The following UMAD1 variants were observed in gnomAD, a reference collection of about 807,000 sequenced individuals.
The protein encoded by UMAD1 is UBAP1-MVB12-associated (UMA) domain containing 1, also known as UBAP1-MVB12-associated (UMA)-domain containing protein 1.
UMAD1 carries 8 observed loss-of-function variants against 6.1 expected under a neutral mutation model. The ratio of observed to expected loss-of-function variants is 1.30; its 90% CI spans 0.76 to 2.35. The LOEUF is 2.35. Ranked by LOEUF, UMAD1 falls within the 30% of genes most tolerant of loss-of-function variation. The pLI, the probability that UMAD1 is intolerant of heterozygous loss-of-function variation, is 0.00. For missense variants in UMAD1, 130 were observed against 78.4 expected (o/e 1.66, Z -2.49); for synonymous variants, 56 against 31.4 (o/e 1.78, Z -2.61).
At chr7:7,860,690 GCGC>G (rs1784099308) in intron 3 of UMAD1, among the ~76,000 whole-genome samples, 1 of 150,842 alleles carries the variant, frequency 6.6e-6, no homozygotes, top group Non-Finnish European at 1.5e-5. Flanking sequence ...CAGGAGAATG[GCGC>G]GAACCCAGGA....
rs1784438432 is a variant in UMAD1, at chr7:7,877,340, A to T, written c.216A>T (p.Ala72=). ...CAGACCCTGAGATGGAAAATAAGGC[A>T]GGCCAGACTCTGGAGAACAGCTCAT... ...TVSDPEMENK[A]GQTLENSSLM... is the part of the protein sequence containing the mutation. Residue 72 remains alanine, a synonymous_variant, in exon 4 of 4, where the codon GCA becomes GCT. Transcript: ENST00000682710. 1.4e-6 allele frequency: 1 copy of T among 717,472 alleles called. No homozygotes were observed. The highest frequency in any genetic ancestry group is 1.7e-5 in the African/African-American group (1 of 57,284). 44.4% of individuals were successfully genotyped at this position (717,472 alleles called of 1,614,324 possible). A position where few individuals can be genotyped will look rare whatever the true frequency, so the allele number is the denominator to read the frequency against.
At chr7:7,656,830 A>G (rs1284731095) in intron 1 of UMAD1, among the ~76,000 whole-genome samples, 3 of 152,244 alleles carry the variant, frequency 2.0e-5, no homozygotes, top group Non-Finnish European at 4.4e-5. Flanking sequence ...GTATATACCC[A>G]GTAATGGGAT....
chr7:7,646,795 CTT>C (rs1286156598), intron 1 of UMAD1, among the ~76,000 whole-genome samples: 2 of 152,096 alleles, frequency 1.3e-5, no homozygotes. Context: ...TGCTTCCTCT[CTT>C]CTCTCCTCTG....
chr7:7,772,841 G>A (rs956906549), intron 2 of UMAD1, among the ~76,000 whole-genome samples: 8 of 152,142 alleles, frequency 5.3e-5, no homozygotes, highest in Non-Finnish European at 1.2e-4. Context: ...CCAGACAGCT[G>A]TAGTGTAATT....
At position 7,673,420 on chromosome 7, in the gene UMAD1, C is replaced by T. The variant is rs1235117372; in HGVS notation, c.49C>T (p.Pro17Ser). The change falls in exon 2 of 4, where the codon CCA becomes TCA. Residue 17 changes from proline to serine, a missense_variant. Pro to Ser is a moderately conservative substitution (Grantham distance 74). Coordinates refer to ENST00000682710, the MANE Select transcript of UMAD1 (RefSeq NM_001302348.2). ...KPPESKKPSV[P>S]ETEADGFVLL... The stretch of plus-strand genomic sequence containing the variant: ...TCCGGAATCTAAAAAGCCCTCAGTA[C>T]CAGAGACAGAAGCAGATGGATTCGT... 5.9e-6 allele frequency: 6 copies of T among 1,021,064 alleles called. No individual in the cohort carries two copies. Among genetic ancestry groups the T allele is most frequent in the Non-Finnish European group, 8.9e-6 (6 of 674,864 alleles). The allele number at this position is 1,021,064 out of a possible 1,614,324, so 63.3% of individuals were successfully genotyped here. A position where few individuals can be genotyped will look rare whatever the true frequency, so the allele number is the denominator to read the frequency against.
chr7:7,677,664 G>GTTTTTT (rs141602455), intron 2 of UMAD1, among the ~76,000 whole-genome samples: 3 of 113,500 alleles, frequency 2.6e-5, no homozygotes, highest in African/African-American at 3.6e-5. Context: ...CTGTTTTTTT[G>GTTTTTT]TTTTTTTTTT....
intron 3 of UMAD1, among the ~76,000 whole-genome samples, chr7:7,829,977 C>T (rs1783428448): frequency 6.6e-6 from 1 of 152,192 alleles, no homozygotes; most frequent in Non-Finnish European, 1.5e-5. Flanking sequence ...TATCTTCCCT[C>T]ATTGGATTTA....
chr7:7,678,090 TG>T (rs1779793748), intron 2 of UMAD1, among the ~76,000 whole-genome samples: 1 of 152,190 alleles, frequency 6.6e-6, no homozygotes, highest in Non-Finnish European at 1.5e-5. Context: ...TTTCTTCTTT[TG>T]GGTATGTACC....
intron 3 of UMAD1, among the ~76,000 whole-genome samples, chr7:7,834,819 A>G (rs1014558998): frequency 2.6e-5 from 4 of 152,172 alleles, no homozygotes; most frequent in Non-Finnish European, 4.4e-5. Flanking sequence ...GAGATACACA[A>G]TTAGTCCATA....
chr7:7,854,098 G>A (rs1462663555), intron 3 of UMAD1, among the ~76,000 whole-genome samples: 1 of 152,052 alleles, frequency 6.6e-6, no homozygotes, highest in African/African-American at 2.4e-5. Context: ...GCTCACACCT[G>A]TAATCCCAGC....
rs1156614778 is a variant in UMAD1 at position 7,879,010 on chromosome 7, T to C, written c.*1472T>C. The C allele has an allele frequency of 3.3e-5, 5 of 152,182 alleles. No individual in the cohort carries two copies. The East Asian group carries it at 9.6e-4, about 29-fold the overall frequency. The allele number at this position is 152,182 out of a possible 1,614,324, so 9.4% of individuals were successfully genotyped here. ...TAAAAGAACATCCTTTTCAAATATC[T>C]GTGTTAATGTACCCTTGAAATTAAA... On this transcript the variant is annotated 3_prime_UTR_variant, in exon 4 of 4. Transcript: ENST00000682710.
chr7:7,874,301 C>T (rs1490965675), intron 3 of UMAD1, among the ~76,000 whole-genome samples: 5 of 152,210 alleles, frequency 3.3e-5, no homozygotes, highest in South Asian at 2.1e-4. Context: ...AGCTATCTTC[C>T]CACTTCTTTC....
intron 2 of UMAD1, among the ~76,000 whole-genome samples, chr7:7,732,242 G>A (rs1781274039): frequency 6.6e-6 from 1 of 151,934 alleles, no homozygotes; most frequent in Non-Finnish European, 1.5e-5. Flanking sequence ...CTCCCATGAA[G>A]TTCCAGTTGA....
chr7:7,753,058 T>C (rs1336284033), intron 2 of UMAD1, among the ~76,000 whole-genome samples: 1 of 152,202 alleles, frequency 6.6e-6, no homozygotes, highest in African/African-American at 2.4e-5. Context: ...TCCACTCTCA[T>C]TTGTAAGCCC....
intron 3 of UMAD1, 150 bp downstream of exon 3, chr7:7,801,893 G>T (rs6463722): frequency 0.41 from 251,243 of 607,154 alleles, 53,814 homozygotes; most frequent in African/African-American, 0.55. Flanking sequence ...AGTCAGTGGA[G>T]AGCAGTACAG....
chr7:7,729,963 G>C (rs547470348), intron 2 of UMAD1, among the ~76,000 whole-genome samples: 9 of 152,176 alleles, frequency 5.9e-5, no homozygotes, highest in Non-Finnish European at 1.2e-4. Flanking sequence ...CTCTCACCCA[G>C]TCTGGAGCCT....
At chr7:7,738,386 GC>G (rs1781402040) in intron 2 of UMAD1, 1 of 152,186 alleles carries the variant, frequency 6.6e-6, no homozygotes, top group African/African-American at 2.4e-5. Flanking sequence ...TGGATAACTT[GC>G]TGCGGTATTT....
chr7:7,744,984 A>G (rs534097039), intron 2 of UMAD1, among the ~76,000 whole-genome samples: 2 of 152,330 alleles, frequency 1.3e-5, no homozygotes, highest in East Asian at 1.9e-4. Context: ...TAAACTACTA[A>G]TAGCCTACTG....
At chr7:7,827,298 G>A (rs1453013524) in intron 3 of UMAD1, among the ~76,000 whole-genome samples, 1 of 151,982 alleles carries the variant, frequency 6.6e-6, no homozygotes, top group African/African-American at 2.4e-5. Context: ...GATACAAAGA[G>A]TAATTGCTGT....
Sources: allele counts gnomAD v4.1 joint callset (sites outside exome capture counted in the v4.1 genomes callset), GRCh38; gene constraint gnomAD v4.1.1; transcripts MANE v1.5; gene names NCBI Gene and HGNC (gene_info 2026-07-23, HGNC 2026-07-21).